Variants in TSPAN14 observed in about 807,000 individuals in gnomAD.
TSPAN14 encodes tetraspanin 14.
Under a neutral mutation model 36.6 loss-of-function variants are expected in TSPAN14, and 16 were observed. The ratio of observed to expected loss-of-function variants is 0.44; its 90% CI spans 0.30 to 0.66. The LOEUF (loss-of-function observed/expected upper bound fraction) is 0.66, where lower values mean the gene tolerates loss of function less well. TSPAN14 is among the 30% of genes least tolerant of loss of function. TSPAN14 has a pLI of 0.12. For synonymous variants in TSPAN14, 139 were observed against 143.8 expected (o/e 0.97, Z 0.24); for missense variants, 231 against 355.1 (o/e 0.65, Z 2.81).
chr10:80,455,213 G>A (rs537655427), intron 1 of TSPAN14, among the ~76,000 whole-genome samples: 3 of 152,270 alleles, frequency 2.0e-5, no homozygotes, highest in Admixed American at 2.0e-4. Context: ...TTGTCTTGGG[G>A]ACTTAAAGTT....
At chr10:80,455,134 T>G (rs1845677980) in intron 1 of TSPAN14, among the ~76,000 whole-genome samples, 1 of 151,660 alleles carries the variant, frequency 6.6e-6, no homozygotes, top group East Asian at 1.9e-4. Flanking sequence ...AGGGGTGGGG[T>G]GCGGGTGGGT....
intron 4 of TSPAN14, among the ~76,000 whole-genome samples, chr10:80,508,711 C>T (rs1000131243): frequency 6.6e-6 from 1 of 152,160 alleles, no homozygotes; most frequent in Non-Finnish European, 1.5e-5. Flanking sequence ...AAGAGCCCTG[C>T]AGGGAACTCA....
chr10:80,501,582 C>A (rs1848528988), intron 2 of TSPAN14, among the ~76,000 whole-genome samples: 1 of 152,144 alleles, frequency 6.6e-6, no homozygotes, highest in South Asian at 2.1e-4. Flanking sequence ...CCATGTGGCC[C>A]CACAGGATGA....
At chr10:80,507,987 G>A (rs1417440589) in intron 4 of TSPAN14, among the ~76,000 whole-genome samples, 2 of 151,702 alleles carry the variant, frequency 1.3e-5, no homozygotes, top group Non-Finnish European at 2.9e-5. Flanking sequence ...CAAAACTATG[G>A]GCTTTTTGTC....
Position 80,512,261 on chromosome 10 carries a change from G to C in TSPAN14, c.568G>C (p.Asp190His), listed in dbSNP as rs753110034. 28 of 1,613,898 alleles carry C rather than the reference G, an allele frequency of 1.7e-5. No homozygotes were observed. Among genetic ancestry groups the C allele is most frequent in the Non-Finnish European group, 2.4e-5 (28 of 1,180,026 alleles). The change falls in exon 6 of 9, where the codon GAT becomes CAT. Residue 190 changes from aspartate (D) to histidine (H), a missense_variant. By Grantham distance (81) the Asp-to-His change is moderately conservative. Coordinates refer to ENST00000429989, the Ensembl canonical transcript of TSPAN14. ...GGTCCCCTTCTCCTGCTGCGTGCCAGATCCTGCGGTGAGTTGGCTTGTGCT... is the reference window on the plus strand; with the variant it reads ...GGTCCCCTTCTCCTGCTGCGTGCCACATCCTGCGGTGAGTTGGCTTGTGCT...
chr10:80,473,419 C>T (rs1846667582), intron 1 of TSPAN14, among the ~76,000 whole-genome samples: 1 of 152,148 alleles, frequency 6.6e-6, no homozygotes, highest in Non-Finnish European at 1.5e-5. Context: ...ACCCTCAGAC[C>T]CTTTGGAGAG....
intron 1 of TSPAN14, among the ~76,000 whole-genome samples, chr10:80,481,160 A>G (rs1684898568): frequency 2.6e-5 from 4 of 152,226 alleles, no homozygotes; most frequent in Non-Finnish European, 5.9e-5. Flanking sequence ...GATGTGAAAA[A>G]CTTGCCTTTC....
At chr10:80,493,027 T>C (rs1258023606) in intron 2 of TSPAN14, among the ~76,000 whole-genome samples, 4 of 152,152 alleles carry the variant, frequency 2.6e-5, no homozygotes, top group Non-Finnish European at 4.4e-5. Flanking sequence ...TGGAATGGGC[T>C]TCATGAGGTT....
chr10:80,464,272 G>A (rs990883993), intron 1 of TSPAN14, among the ~76,000 whole-genome samples: 8 of 152,196 alleles, frequency 5.3e-5, no homozygotes, highest in African/African-American at 1.4e-4. Flanking sequence ...TGTTCAGGCC[G>A]CCTTGGGCCT....
chr10:80,470,888 T>C (rs1307366639), intron 1 of TSPAN14, among the ~76,000 whole-genome samples: 4 of 152,090 alleles, frequency 2.6e-5, no homozygotes, highest in South Asian at 2.1e-4. Context: ...ATAATCTTCA[T>C]TGGAGGGTCA....
At chr10:80,481,726 A>G (rs926000530) in intron 1 of TSPAN14, among the ~76,000 whole-genome samples, 1 of 152,168 alleles carries the variant, frequency 6.6e-6, no homozygotes, top group Non-Finnish European at 1.5e-5. Flanking sequence ...CCTGGGTTCA[A>G]GCGATTCTCC....
chr10:80,486,969 C>T (rs1847638779), intron 1 of TSPAN14, among the ~76,000 whole-genome samples: 1 of 152,182 alleles, frequency 6.6e-6, no homozygotes, highest in Non-Finnish European at 1.5e-5. Flanking sequence ...TGCAGGTAAT[C>T]TCAGCAATTT....
chr10:80,470,676 G>C (rs1242688703), intron 1 of TSPAN14, among the ~76,000 whole-genome samples: 1 of 152,224 alleles, frequency 6.6e-6, no homozygotes, highest in Non-Finnish European at 1.5e-5. Context: ...TCCTGTAACA[G>C]CCAGCTTTTA....
chr10:80,514,088 T>C (rs1840804014), intron 7 of TSPAN14, 25 bp downstream of exon 7: 1 of 1,601,168 alleles, frequency 6.2e-7, no homozygotes, highest in African/African-American at 1.3e-5. Flanking sequence ...GTATACAACT[T>C]GAAGAGTTCT....
chr10:80,458,139 G>A (rs761555570), intron 1 of TSPAN14, among the ~76,000 whole-genome samples: 6 of 152,234 alleles, frequency 3.9e-5, no homozygotes, highest in Non-Finnish European at 7.3e-5. Flanking sequence ...CCTAGAAGCA[G>A]GAGCAGGTAG....
chr10:80,516,370 T>C lies in TSPAN14; in HGVS notation c.741+47T>C, dbSNP rs766305680. 3.7e-6 allele frequency: 6 copies of C among 1,612,598 alleles called. No homozygotes were observed. In the East Asian group the frequency reaches 1.1e-4, roughly 30 times the overall value. On this transcript the variant is annotated intron_variant, in intron 8 of 8. Transcript: ENST00000429989. ...GATTGGCAGGTGGCCTTTTTTCATT[T>C]GAGATTGGGCCCTTAACATAGAGTG...
intron 1 of TSPAN14, among the ~76,000 whole-genome samples, chr10:80,486,647 C>T (rs1166776147): frequency 1.3e-5 from 2 of 152,178 alleles, no homozygotes; most frequent in African/African-American, 4.8e-5. Context: ...GCCCAGCTCC[C>T]TGGAGGGCAC....
rs35518202 is a variant in TSPAN14 at position 80,500,496 on chromosome 10, A to AT, written c.82-4226dup. ...AGGCATGTGCCACCACGCTCGGCTA[A>AT]TTTTTTATTTTTAGTAGAGATGGGG... On this transcript the variant is annotated intron_variant, in intron 2 of 8. Coordinates refer to ENST00000429989, the Ensembl canonical transcript of TSPAN14. Among the ~76,000 whole-genome samples the AT allele has an allele frequency of 2.0e-5, 3 of 151,644 alleles. No homozygotes were observed. The East Asian group carries it at 5.8e-4, about 29-fold the overall frequency.
At chr10:80,491,504 T>C (rs1022285996) in intron 2 of TSPAN14, among the ~76,000 whole-genome samples, 1 of 152,198 alleles carries the variant, frequency 6.6e-6, no homozygotes, top group African/African-American at 2.4e-5. Flanking sequence ...CCTCCAACTC[T>C]CATCTTGATT....
Sources: gnomAD v4.1 joint callset for allele counts (sites outside exome capture counted in the v4.1 genomes callset) on GRCh38, gnomAD v4.1.1 for gene constraint, MANE v1.5 for transcripts, NCBI Gene and HGNC (gene_info 2026-07-23, HGNC 2026-07-21) for gene names.